KDM2B: variants seen among roughly 807,000 people sequenced by gnomAD.
The protein encoded by KDM2B is lysine demethylase 2B.
KDM2B carries 26 observed loss-of-function variants against 150.0 expected under a neutral mutation model. The ratio of observed to expected loss-of-function variants is 0.17; its 90% CI spans 0.13 to 0.24. The LOEUF is 0.24. Among genes scored for constraint, KDM2B ranks in the 10% least tolerant of loss-of-function variants. KDM2B has a pLI of 1.00. For missense variants in KDM2B, 1,265 were observed against 1,816.9 expected (o/e 0.70, Z 5.52); for synonymous variants, 734 against 729.5 (o/e 1.01, Z -0.10).
chr12:121,548,828 G>A (rs782117115), intron 6 of KDM2B, 49 bp downstream of exon 6: 3 of 1,466,986 alleles, frequency 2.0e-6, no homozygotes, highest in African/African-American at 2.8e-5. Context: ...ACCTCCCCAA[G>A]CCTGGGGGTC....
intron 11 of KDM2B, among the ~76,000 whole-genome samples, chr12:121,500,966 C>A (rs571284916): frequency 6.6e-6 from 1 of 152,206 alleles, no homozygotes; most frequent in South Asian, 2.1e-4. Context: ...CCAGGCATGG[C>A]GGCACATGCC....
rs1439668850 is a variant in KDM2B, at chr12:121,521,405, C to T, written c.932-305G>A. On this transcript the variant is annotated intron_variant, in intron 8 of 22. Coordinates refer to ENST00000377071, the MANE Select transcript of KDM2B (RefSeq NM_032590.5). This position sits in a 1 kb window ranked among gnomAD's most constrained non-coding sequence, Gnocchi z 4.9. ...ACAAAAGCTTCCTCTGGGGACCTGG[C>T]TGCAATGGCCAGCAGAGAGGCAGGC... 6.6e-6 allele frequency among the ~76,000 whole-genome samples: 1 copy of T among 152,184 alleles called. No individual in the cohort carries two copies. Among genetic ancestry groups the T allele is most frequent in the African/African-American group, 2.4e-5 (1 of 41,452 alleles).
chr12:121,570,332 G>A (rs369064459), intron 4 of KDM2B, among the ~76,000 whole-genome samples: 2 of 152,034 alleles, frequency 1.3e-5, no homozygotes, highest in Admixed American at 6.6e-5. Flanking sequence ...GATTCCAAGC[G>A]TGAGCCACTG....
chr12:121,506,363 T>C (rs1885068259), intron 11 of KDM2B, among the ~76,000 whole-genome samples: 1 of 151,966 alleles, frequency 6.6e-6, no homozygotes, highest in Non-Finnish European at 1.5e-5. Flanking sequence ...TCAGAAACTC[T>C]CCTGTTCTGG....
the KDM2B span, chr12:121,423,521 A>C: frequency 6.2e-7 from 1 of 1,614,154 alleles, no homozygotes; most frequent in South Asian, 1.1e-5. The surrounding 1 kb of genome is among the most constrained non-coding windows in gnomAD (Gnocchi z 4.3). Context: ...CGCATGAGTG[A>C]GTGTCCCATC....
intron 21 of KDM2B, chr12:121,440,461 T>C (rs1874804896): frequency 2.6e-6 from 1 of 379,580 alleles, no homozygotes; most frequent in South Asian, 3.0e-5. Context: ...CTGATCCCGA[T>C]GGCAGTGGAG....
chr12:121,438,891 C>T (rs1874471776), intron 22 of KDM2B, among the ~76,000 whole-genome samples: 1 of 151,684 alleles, frequency 6.6e-6, no homozygotes, highest in Non-Finnish European at 1.5e-5. Context: ...CACGCAAACC[C>T]AACACCCCCC....
chr12:121,520,274 T>A lies in KDM2B; in HGVS notation c.1047+711A>T, dbSNP rs935602847. Among the ~76,000 whole-genome samples, 1 of 152,120 alleles carries A rather than the reference T, an allele frequency of 6.6e-6. No individual in the cohort carries two copies. Among genetic ancestry groups the A allele is most frequent in the Admixed American group, 6.6e-5 (1 of 15,254 alleles). On this transcript the variant is annotated intron_variant, in intron 9 of 22. Coordinates refer to ENST00000377071, the MANE Select transcript of KDM2B (RefSeq NM_032590.5). This position sits in a 1 kb window ranked among gnomAD's most constrained non-coding sequence, Gnocchi z 4.5. ...TCAAGTCCTAGCACGAGAAAGGCCA[T>A]GGCAAGTTCAGGCCACTTGTCCTTT...
At position 121,580,252 on chromosome 12, in the gene KDM2B, T is replaced by G. The variant is rs1367144737; in HGVS notation, c.126+534A>C. ...CCTAGGAAACCATTTTCAGCAGTTGTGGGGGGGGGGAGGCGTCGACGTCAT... is the reference window on the plus strand; with the variant it reads ...CCTAGGAAACCATTTTCAGCAGTTGGGGGGGGGGGGAGGCGTCGACGTCAT... On this transcript the variant is annotated intron_variant, in intron 1 of 22. Coordinates refer to ENST00000377071, the MANE Select transcript of KDM2B (RefSeq NM_032590.5). 1.2e-3 allele frequency: 988 copies of G among 839,158 alleles called. 10 individuals are homozygous for G. The African/African-American group carries it at 0.018, about 15-fold the overall frequency. 52.0% of individuals were successfully genotyped at this position (839,158 alleles called of 1,614,324 possible). A position where few individuals can be genotyped will look rare whatever the true frequency, so the allele number is the denominator to read the frequency against.
the KDM2B span, chr12:121,423,301 G>A: frequency 1.9e-6 from 2 of 1,066,064 alleles, no homozygotes; most frequent in South Asian, 3.1e-5. This position sits in a 1 kb window ranked among gnomAD's most constrained non-coding sequence, Gnocchi z 4.3. Flanking sequence ...CATTCAGCAG[G>A]TGGCTGCTCA....
In KDM2B at chr12:121,520,890, T is replaced by C. The variant is rs546261285; in HGVS notation, c.1047+95A>G. ...GAGGAATCGGGAGGGAGAGGGGAAC[T>C]GTGGAGGACTTCAGTATGACCTGTC... On this transcript the variant is annotated intron_variant, in intron 9 of 22. Transcript: ENST00000377071. This position sits in a 1 kb window ranked among gnomAD's most constrained non-coding sequence, Gnocchi z 4.5. 5 of 687,112 alleles carry C rather than the reference T, an allele frequency of 7.3e-6. No individual in the cohort carries two copies. The African/African-American group carries it at 9.1e-5, about 12-fold the overall frequency. The allele number at this position is 687,112 out of a possible 1,614,324, so 42.6% of individuals were successfully genotyped here.
intron 4 of KDM2B, among the ~76,000 whole-genome samples, chr12:121,551,176 C>T (rs1889459633): frequency 6.6e-6 from 1 of 152,072 alleles, no homozygotes. Flanking sequence ...CTCTAACAGG[C>T]CCGTGGTCAA....
At chr12:121,527,284 C>CTGACCTCG (rs1887223776) in intron 8 of KDM2B, among the ~76,000 whole-genome samples, 3 of 143,194 alleles carry the variant, frequency 2.1e-5, no homozygotes, top group Middle Eastern at 7.3e-3. Context: ...TCTCAATCTC[C>CTGACCTCG]TGATCTGCCC....
intron 6 of KDM2B, among the ~76,000 whole-genome samples, chr12:121,547,119 G>A (rs1889113946): frequency 6.6e-6 from 1 of 152,070 alleles, no homozygotes; most frequent in African/African-American, 2.4e-5. Flanking sequence ...CCACACCTCA[G>A]GCCCCTACGC....
intron 4 of KDM2B, among the ~76,000 whole-genome samples, chr12:121,571,975 G>A (rs1308837593): frequency 5.3e-5 from 8 of 152,048 alleles, no homozygotes; most frequent in Admixed American, 2.0e-4. Context: ...TTTAAATGTG[G>A]CCAGGTGCAT....
intron 12 of KDM2B, among the ~76,000 whole-genome samples, chr12:121,478,031 CCT>C (rs1881587983): frequency 6.6e-6 from 1 of 152,024 alleles, no homozygotes; most frequent in Middle Eastern, 3.4e-3. Flanking sequence ...GCGTGAGCCA[CCT>C]CAACTGGCCT....
At chr12:121,423,531 C>T in the KDM2B span, 1 of 1,614,208 alleles carries the variant, frequency 6.2e-7, no homozygotes, top group Non-Finnish European at 8.5e-7. The surrounding 1 kb of genome is among the most constrained non-coding windows in gnomAD (Gnocchi z 4.3). Flanking sequence ...AGTGTCCCAT[C>T]TGCCGGCAGT....
At position 121,444,145 on chromosome 12, in the gene KDM2B, G is replaced by A. The variant is rs370460941; in HGVS notation, c.2318C>T (p.Ala773Val). ...PAKRRSECEE[A>V]PRRRSDEHSK... ...GTGCTCATCCGACCTGCGCCGGGGC[G>A]CCTCCTCACACTCACTCCTCCGCTT... The change falls in exon 16 of 23, where the codon GCG (alanine) becomes GTG (valine). Residue 773 changes from alanine to valine, a missense_variant. This residue lies in a region of KDM2B where 418 missense variants were observed against 402.4 expected (regional missense o/e 1.04). Transcript: ENST00000377071. The A allele has an allele frequency of 2.0e-5, 32 of 1,612,368 alleles. No homozygotes were observed. Among genetic ancestry groups the A allele is most frequent in the African/African-American group, 2.7e-5 (2 of 74,950 alleles).
At chr12:121,466,858 C>T (rs1296293434) in intron 12 of KDM2B, among the ~76,000 whole-genome samples, 1 of 145,772 alleles carries the variant, frequency 6.9e-6, no homozygotes, top group Non-Finnish European at 1.5e-5. Flanking sequence ...CGGGCCGTGG[C>T]CGGCGCCCGG....
Sources: gnomAD v4.1 joint callset for allele counts (sites outside exome capture counted in the v4.1 genomes callset) on GRCh38, gnomAD v4.1.1 for gene constraint, gnomAD v4.1.1 regional missense constraint, Gnocchi (gnomAD v3.1) non-coding constraint, MANE v1.5 for transcripts, NCBI Gene and HGNC (gene_info 2026-07-23, HGNC 2026-07-21) for gene names.